The following FTO variants were observed in gnomAD, a reference collection of about 807,000 sequenced individuals.
FTO encodes alpha-ketoglutarate-dependent dioxygenase FTO.
Under a neutral mutation model 63.9 loss-of-function variants are expected in FTO, and 47 were observed. The observed-to-expected ratio is 0.74, with a 90% CI of 0.58 to 0.94. The LOEUF (loss-of-function observed/expected upper bound fraction) is 0.94. Among genes scored for constraint, FTO ranks in the 40% least tolerant of loss-of-function variants. The pLI is 0.00. For missense variants in FTO, 562 were observed against 618.1 expected, an observed-to-expected ratio of 0.91 and a Z score of 0.96; for synonymous variants, 207 against 224.4, an observed-to-expected ratio of 0.92 and a Z score of 0.69.
chr16:53,797,630 A>G (rs1295146690), intron 1 of FTO, among the ~76,000 whole-genome samples: 3 of 152,102 alleles, frequency 2.0e-5, no homozygotes, highest in Non-Finnish European at 4.4e-5. Context: ...TTGGGTAATT[A>G]CAAATGAAGC....
intron 1 of FTO, among the ~76,000 whole-genome samples, chr16:53,774,904 G>C (rs2077427982): frequency 6.6e-6 from 1 of 152,162 alleles, no homozygotes. Context: ...ACTACAAAGT[G>C]AATGGCCAGA....
Position 54,002,111 on chromosome 16 carries a change from A to T in FTO, c.1364+68002A>T, listed in dbSNP as rs78720005. Among the ~76,000 whole-genome samples the T allele has an allele frequency of 2.6e-3, 390 of 152,354 alleles. 1 individual carries two copies. The highest frequency in any genetic ancestry group is 9.1e-3 in the African/African-American group (377 of 41,574). On this transcript the variant is annotated intron_variant, in intron 8 of 8. Transcript: ENST00000471389. The stretch of plus-strand genomic sequence containing the variant: ...GTGTCCAGCAGTCCTTTTATCTGTT[A>T]TAAAGCTAAATGCATGTTTATCAAG...
At chr16:54,087,449 C>T (rs1170413390) in intron 8 of FTO, among the ~76,000 whole-genome samples, 1 of 152,060 alleles carries the variant, frequency 6.6e-6, no homozygotes, top group Admixed American at 6.5e-5. Context: ...TTTTTCTACT[C>T]CAATCCTCAG....
At chr16:53,788,080 G>A (rs1258879588) in intron 1 of FTO, among the ~76,000 whole-genome samples, 1 of 152,164 alleles carries the variant, frequency 6.6e-6, no homozygotes, top group East Asian at 1.9e-4. Flanking sequence ...GGGCTTGTCT[G>A]TCCCATCAAG....
intron 8 of FTO, among the ~76,000 whole-genome samples, chr16:53,973,096 GGGT>G (rs1292229154): frequency 6.6e-6 from 1 of 152,114 alleles, no homozygotes; most frequent in Non-Finnish European, 1.5e-5. Flanking sequence ...AGAAAAATAG[GGGT>G]TCAGGATCCC....
intron 7 of FTO, among the ~76,000 whole-genome samples, chr16:53,905,943 A>G (rs371730067): frequency 2.0e-5 from 3 of 152,208 alleles, no homozygotes; most frequent in East Asian, 1.9e-4. Flanking sequence ...AATCCATTTG[A>G]AAAACTCCCT....
At chr16:53,852,377 G>T (rs1053593093) in intron 4 of FTO, among the ~76,000 whole-genome samples, 8 of 152,114 alleles carry the variant, frequency 5.3e-5, no homozygotes, top group African/African-American at 1.9e-4. Flanking sequence ...ACTTTTAGGG[G>T]TTTATTTCCT....
chr16:53,784,584 G>C (rs914556152), intron 1 of FTO, among the ~76,000 whole-genome samples: 1 of 152,066 alleles, frequency 6.6e-6, no homozygotes, highest in Non-Finnish European at 1.5e-5. Flanking sequence ...GTGGGACTTG[G>C]GGCATCCTAC....
intron 4 of FTO, among the ~76,000 whole-genome samples, chr16:53,856,283 C>T (rs572122857): frequency 8.6e-5 from 13 of 151,592 alleles, no homozygotes; most frequent in South Asian, 6.3e-4. Flanking sequence ...CCCAGCAGCA[C>T]GTTTCAAGGT....
intron 7 of FTO, among the ~76,000 whole-genome samples, chr16:53,906,951 T>A (rs1202790749): frequency 1.3e-5 from 2 of 152,164 alleles, no homozygotes; most frequent in Admixed American, 6.5e-5. Context: ...CAAAGTTGTC[T>A]GCTTTTCATC....
intron 1 of FTO, among the ~76,000 whole-genome samples, chr16:53,737,949 T>G (rs1253291542): frequency 6.6e-6 from 1 of 152,110 alleles, no homozygotes; most frequent in Admixed American, 6.6e-5. Context: ...GTATAAGTTC[T>G]TTCTTTCTTT....
chr16:53,734,605 T>C (rs1363576203), intron 1 of FTO, among the ~76,000 whole-genome samples: 1 of 152,244 alleles, frequency 6.6e-6, no homozygotes, highest in East Asian at 1.9e-4. Flanking sequence ...GATTAAACAG[T>C]AATGACATGA....
At position 54,112,241 on chromosome 16, in the gene FTO, C is replaced by G; in HGVS notation, c.*326C>G. On this transcript the variant is annotated 3_prime_UTR_variant, in exon 9 of 9. Coordinates refer to ENST00000471389, the MANE Select transcript of FTO (RefSeq NM_001080432.3). Reference sequence around the variant, plus strand: ...GTGACAAAGCCTAACCTACTTTCCTCTTTCCCAAGCTTTTTCAGAGACTCT... The same window carrying G: ...GTGACAAAGCCTAACCTACTTTCCTGTTTCCCAAGCTTTTTCAGAGACTCT... 1 of 370,170 alleles carries G rather than the reference C, an allele frequency of 2.7e-6. No individual in the cohort carries two copies. The highest frequency in any genetic ancestry group is 2.3e-5 in the South Asian group (1 of 43,874). 22.9% of individuals were successfully genotyped at this position (370,170 alleles called of 1,614,324 possible).
intron 1 of FTO, among the ~76,000 whole-genome samples, chr16:53,749,556 A>G (rs547467671): frequency 1.3e-4 from 20 of 150,832 alleles, no homozygotes; most frequent in Non-Finnish European, 2.1e-4. Flanking sequence ...CTCCTGCCTC[A>G]GCCTCCCGAG....
chr16:54,098,551 G>C (rs1362824721), intron 8 of FTO, among the ~76,000 whole-genome samples: 1 of 152,190 alleles, frequency 6.6e-6, no homozygotes, highest in Non-Finnish European at 1.5e-5. Flanking sequence ...AGAACAGCTG[G>C]CCTTTTATTC....
chr16:54,024,550 G>A (rs2084673701), intron 8 of FTO, among the ~76,000 whole-genome samples: 1 of 151,980 alleles, frequency 6.6e-6, no homozygotes, highest in Non-Finnish European at 1.5e-5. Context: ...ATGTTAGTTT[G>A]TATTGCCACC....
chr16:53,766,757 C>T (rs1383076299), intron 1 of FTO, among the ~76,000 whole-genome samples: 1 of 152,136 alleles, frequency 6.6e-6, no homozygotes, highest in Admixed American at 6.5e-5. Flanking sequence ...CTCTTCTTTT[C>T]ATGAATCATT....
intron 8 of FTO, among the ~76,000 whole-genome samples, chr16:53,938,309 A>G (rs933640613): frequency 6.6e-6 from 1 of 152,252 alleles, no homozygotes; most frequent in African/African-American, 2.4e-5. Context: ...TCAAAGAAAC[A>G]TCATGGTGAT....
At chr16:53,883,636 C>CAAAAAAAAAAAAAAA (rs1202328126) in intron 6 of FTO, among the ~76,000 whole-genome samples, 1 of 121,164 alleles carries the variant, frequency 8.3e-6, no homozygotes, top group Non-Finnish European at 1.6e-5. Context: ...AAAAAAAAAA[C>CAAAAAAAAAAAAAAA]AAAAAAAAAA....
Sources: allele counts gnomAD v4.1 joint callset (sites outside exome capture counted in the v4.1 genomes callset), GRCh38; gene constraint gnomAD v4.1.1; transcripts MANE v1.5; gene names NCBI Gene and HGNC (gene_info 2026-07-23, HGNC 2026-07-21).